The following CNTN5 variants were observed in gnomAD, a reference collection of about 807,000 sequenced individuals.
The protein encoded by CNTN5 is contactin-5.
Under a neutral mutation model 129.1 loss-of-function variants are expected in CNTN5, and 77 were observed. The ratio of observed to expected loss-of-function variants is 0.60; its 90% CI spans 0.50 to 0.72. The LOEUF (loss-of-function observed/expected upper bound fraction) is 0.72, where lower values mean the gene tolerates loss of function less well. Among genes scored for constraint, CNTN5 ranks in the 30% least tolerant of loss-of-function variants. The pLI is 0.00. For missense variants in CNTN5, 1,478 were observed against 1,328.8 expected, an observed-to-expected ratio of 1.11 and a Z score of -1.75; for synonymous variants, 509 against 465.6, an observed-to-expected ratio of 1.09 and a Z score of -1.20.
rs77692003 is a variant in CNTN5 at position 99,546,785 on chromosome 11, A to G, written c.-70-9360A>G. On this transcript the variant is annotated intron_variant, in intron 2 of 24. Transcript: ENST00000524871. ...GATCTCCTACCACTTACTCCTGGGC[A>G]TTACTTTGCACTCATGATGGCCTTT... is the stretch of plus-strand genomic sequence containing the variant. Among the ~76,000 whole-genome samples, 126 of 152,142 alleles carry G rather than the reference A, an allele frequency of 8.3e-4. 2 individuals are homozygous for G. The East Asian group carries it at 0.015, about 18-fold the overall frequency.
chr11:99,831,343 G>T (rs1266035824), intron 4 of CNTN5, among the ~76,000 whole-genome samples: 2 of 152,156 alleles, frequency 1.3e-5, no homozygotes, highest in Non-Finnish European at 1.5e-5. Context: ...AGTGGTAGTT[G>T]GTTGGCAAAA....
intron 3 of CNTN5, among the ~76,000 whole-genome samples, chr11:99,710,349 C>T (rs923219000): frequency 6.6e-6 from 1 of 151,806 alleles, no homozygotes; most frequent in Non-Finnish European, 1.5e-5. Flanking sequence ...AGACTTTCTA[C>T]AAACCCTTTT....
chr11:99,727,451 T>A (rs1031920072), intron 3 of CNTN5, among the ~76,000 whole-genome samples: 49 of 152,028 alleles, frequency 3.2e-4, no homozygotes, highest in African/African-American at 1.1e-3. Context: ...AGATAGAGCA[T>A]GTCACAAACC....
At chr11:99,936,024 T>C (rs1950308937) in intron 7 of CNTN5, among the ~76,000 whole-genome samples, 1 of 152,210 alleles carries the variant, frequency 6.6e-6, no homozygotes, top group South Asian at 2.1e-4. Flanking sequence ...TTACGTTGTA[T>C]TTCCACCAGG....
At chr11:100,142,363 A>T (rs149291747) in intron 13 of CNTN5, among the ~76,000 whole-genome samples, 11 of 152,132 alleles carry the variant, frequency 7.2e-5, no homozygotes, top group South Asian at 6.2e-4. Flanking sequence ...TCTCTCTTCT[A>T]TCTTTCTCTC....
At chr11:100,105,833 C>T (rs1358716502) in intron 13 of CNTN5, among the ~76,000 whole-genome samples, 3 of 152,154 alleles carry the variant, frequency 2.0e-5, no homozygotes, top group East Asian at 3.9e-4. Flanking sequence ...CATGCAGCAG[C>T]AAGTCCTTTG....
intron 4 of CNTN5, among the ~76,000 whole-genome samples, chr11:99,828,037 A>G (rs954102280): frequency 6.6e-6 from 1 of 152,156 alleles, no homozygotes; most frequent in Non-Finnish European, 1.5e-5. Context: ...TTTAATCTCT[A>G]AAGTTTTGAA....
intron 3 of CNTN5, among the ~76,000 whole-genome samples, chr11:99,562,575 A>G (rs117513709): frequency 0.049 from 7,399 of 152,300 alleles, 239 homozygotes; most frequent in South Asian, 0.089. Context: ...TTATGAATAC[A>G]TGAGAATTAG....
Position 99,938,088 on chromosome 11 carries a change from C to T in CNTN5, c.674-18718C>T, listed in dbSNP as rs540184409. ...TTCTCTATTCTAAGAATGGATCTAACAAAATAAATCAAAAGGAATTTTATT... is the reference window on the plus strand; with the variant it reads ...TTCTCTATTCTAAGAATGGATCTAATAAAATAAATCAAAAGGAATTTTATT... On this transcript the variant is annotated intron_variant, in intron 7 of 24. Coordinates refer to ENST00000524871, the MANE Select transcript of CNTN5 (RefSeq NM_014361.4). Among the ~76,000 whole-genome samples the T allele has an allele frequency of 2.6e-5, 4 of 152,146 alleles. No individual in the cohort carries two copies. In the South Asian group the frequency reaches 6.2e-4, roughly 24 times the overall value.
intron 20 of CNTN5, among the ~76,000 whole-genome samples, chr11:100,307,043 G>A (rs1385684693): frequency 6.6e-6 from 1 of 151,508 alleles, no homozygotes; most frequent in Non-Finnish European, 1.5e-5. Context: ...TCTTTTGCAG[G>A]CTCCTTTTGC....
chr11:99,528,221 A>G (rs556952867), intron 2 of CNTN5, among the ~76,000 whole-genome samples: 11 of 152,360 alleles, frequency 7.2e-5, no homozygotes, highest in Admixed American at 7.2e-4. Context: ...AAGAGGAATT[A>G]TTTGAGAAAC....
chr11:99,906,231 CTTCCACCT>C (rs1949502071), intron 6 of CNTN5, among the ~76,000 whole-genome samples: 2 of 152,278 alleles, frequency 1.3e-5, no homozygotes, highest in Admixed American at 1.3e-4. Flanking sequence ...AAAGGGAATG[CTTCCACCT>C]TTTGCCCATT....
At position 99,727,312 on chromosome 11, in the gene CNTN5, CAA is replaced by C. The variant is rs397936738; in HGVS notation, c.56-92211_56-92210del. Among the ~76,000 whole-genome samples, 19 of 24,296 alleles carry C rather than the reference CAA, an allele frequency of 7.8e-4. 1 individual carries two copies. Among genetic ancestry groups the C allele is most frequent in the African/African-American group, 1.4e-3 (9 of 6,430 alleles). The allele number at this position is 24,296 out of a possible 152,430, so 15.9% of individuals were successfully genotyped here. On this transcript the variant is annotated intron_variant, in intron 3 of 24. Transcript: ENST00000524871. ...TGGGCGACAGAGCGAGACTCCGTCT[CAA>C]AAAAAAAAAAAAAAAAAAAATTCCA...
intron 3 of CNTN5, among the ~76,000 whole-genome samples, chr11:99,655,957 C>CAT (rs958745559): frequency 5.9e-5 from 9 of 151,936 alleles, no homozygotes; most frequent in East Asian, 3.9e-4. Flanking sequence ...TATATACACA[C>CAT]ATATATATAC....
chr11:99,813,447 G>T (rs1946490237), intron 3 of CNTN5, among the ~76,000 whole-genome samples: 1 of 152,136 alleles, frequency 6.6e-6, no homozygotes, highest in Non-Finnish European at 1.5e-5. Context: ...TGTGGAAATT[G>T]TTAGGATCTG....
At chr11:99,951,963 G>A (rs1391084458) in intron 7 of CNTN5, among the ~76,000 whole-genome samples, 1 of 152,142 alleles carries the variant, frequency 6.6e-6, no homozygotes, top group Non-Finnish European at 1.5e-5. Flanking sequence ...TATTTATGGA[G>A]CAACTACACA....
chr11:100,202,527 A>T (rs1948805728), intron 15 of CNTN5, among the ~76,000 whole-genome samples: 1 of 150,100 alleles, frequency 6.7e-6, no homozygotes, highest in Non-Finnish European at 1.5e-5. Context: ...TATTTCTATT[A>T]AATATAGATA....
intron 16 of CNTN5, among the ~76,000 whole-genome samples, chr11:100,255,192 C>T (rs12273470): frequency 0.014 from 2,198 of 152,280 alleles, 59 homozygotes; most frequent in African/African-American, 0.051. Flanking sequence ...ATGTATGTCT[C>T]AGGTCTGGCA....
At chr11:99,975,351 T>A (rs909195430) in intron 8 of CNTN5, among the ~76,000 whole-genome samples, 15 of 152,090 alleles carry the variant, frequency 9.9e-5, no homozygotes, top group Non-Finnish European at 2.1e-4. Flanking sequence ...CCCCTTGGTT[T>A]TGACCAATTT....
Sources: gnomAD v4.1 joint callset for allele counts (sites outside exome capture counted in the v4.1 genomes callset) on GRCh38, gnomAD v4.1.1 for gene constraint, MANE v1.5 for transcripts, NCBI Gene and HGNC (gene_info 2026-07-23, HGNC 2026-07-21) for gene names.